The following LRRIQ1 variants were observed in gnomAD, a reference collection of about 807,000 sequenced individuals.
LRRIQ1 encodes the protein leucine rich repeats and IQ motif containing 1.
LRRIQ1 carries 210 observed loss-of-function variants against 211.9 expected under a neutral mutation model. The observed-to-expected ratio is 0.99, with a 90% CI of 0.89 to 1.11. The LOEUF (loss-of-function observed/expected upper bound fraction) is 1.11. LRRIQ1 is among the 50% of genes most tolerant of loss of function. The pLI is 0.00. For missense variants in LRRIQ1, 2,136 were observed against 1,939.5 expected (o/e 1.10, Z -1.90); for synonymous variants, 699 against 650.1 (o/e 1.08, Z -1.14).
At chr12:85,205,142 T>C (rs1893480012) in intron 24 of LRRIQ1, among the ~76,000 whole-genome samples, 1 of 152,142 alleles carries the variant, frequency 6.6e-6, no homozygotes, top group South Asian at 2.1e-4. Flanking sequence ...CTTTGCCCGC[T>C]GCCATCCATG....
chr12:85,096,740 G>T (rs1348821264), intron 11 of LRRIQ1, among the ~76,000 whole-genome samples: 2 of 152,120 alleles, frequency 1.3e-5, no homozygotes, highest in African/African-American at 4.8e-5. Flanking sequence ...GTGATGATCT[G>T]TCTAATGCTA....
chr12:85,102,944 CAA>C (rs761217598), intron 13 of LRRIQ1, among the ~76,000 whole-genome samples: 7,483 of 87,498 alleles, frequency 0.086, 325 homozygotes, highest in East Asian at 0.22. Flanking sequence ...CTAATTGTGG[CAA>C]AAAAAAAAAA....
intron 24 of LRRIQ1, among the ~76,000 whole-genome samples, chr12:85,194,862 CA>C (rs1892808708): frequency 6.6e-6 from 1 of 151,862 alleles, no homozygotes; most frequent in Admixed American, 6.6e-5. Context: ...AAAAACCCTT[CA>C]AAAAATTAAT....
rs1036065452 is a variant in LRRIQ1, at chr12:85,127,845, G to T, written c.4021G>T (p.Val1341Leu). 1.5e-5 allele frequency: 25 copies of T among 1,613,780 alleles called. No individual in the cohort carries two copies. The highest frequency in any genetic ancestry group is 2.0e-5 in the Non-Finnish European group (24 of 1,179,904). The change falls in exon 18 of 27, where the codon GTA becomes TTA. Residue 1341 changes from valine to leucine, a missense_variant. Transcript: ENST00000393217. ...EPSEKIMAAVVIQSYWRGYLM... is the reference protein window; with the variant it reads ...EPSEKIMAAVLIQSYWRGYLM... The stretch of plus-strand genomic sequence containing the variant: ...TCCTCTTAATAGTATGGCAGCTGTG[G>T]TAATCCAGTCATACTGGCGTGGTTA...
In LRRIQ1 at chr12:85,149,163, C is replaced by T. The variant is rs374536755; in HGVS notation, c.4330-3117C>T. Among the ~76,000 whole-genome samples the T allele has an allele frequency of 2.7e-4, 41 of 152,004 alleles. No homozygotes were observed. In the South Asian group the frequency reaches 7.9e-3, roughly 29 times the overall value. On this transcript the variant is annotated intron_variant, in intron 19 of 26. Coordinates refer to ENST00000393217, the MANE Select transcript of LRRIQ1 (RefSeq NM_001079910.2). Reference sequence around the variant, plus strand: ...GAAGCTCTTTAATTTAATTAGATCCCGTTTGTGAATTTTGGCTTTTATTGC... The same window carrying T: ...GAAGCTCTTTAATTTAATTAGATCCTGTTTGTGAATTTTGGCTTTTATTGC...
intron 24 of LRRIQ1, among the ~76,000 whole-genome samples, chr12:85,205,285 T>G (rs534993235): frequency 6.6e-6 from 1 of 152,328 alleles, no homozygotes; most frequent in African/African-American, 2.4e-5. Context: ...ATCAGCAGCA[T>G]GAAAATAGAC....
chr12:85,210,432 A>T (rs997031543), intron 24 of LRRIQ1, among the ~76,000 whole-genome samples: 3 of 152,188 alleles, frequency 2.0e-5, no homozygotes, highest in African/African-American at 7.2e-5. Context: ...AGATAGTAGA[A>T]TTTGTTGGAC....
At chr12:85,193,707 G>A (rs886517328) in intron 24 of LRRIQ1, among the ~76,000 whole-genome samples, 2,843 of 151,716 alleles carry the variant, frequency 0.019, 87 homozygotes, top group African/African-American at 0.065. Context: ...AGTACCAGCC[G>A]CTGCAAAATC....
intron 24 of LRRIQ1, among the ~76,000 whole-genome samples, chr12:85,198,633 TCTC>T (rs1242424654): frequency 6.6e-6 from 1 of 151,916 alleles, no homozygotes; most frequent in Non-Finnish European, 1.5e-5. Flanking sequence ...AGTGGTGCTA[TCTC>T]AGCTCACTGC....
intron 11 of LRRIQ1, among the ~76,000 whole-genome samples, chr12:85,097,649 A>G (rs180992547): frequency 6.6e-6 from 1 of 152,272 alleles, no homozygotes; most frequent in African/African-American, 2.4e-5. Context: ...AAAAAAATGC[A>G]TAGTCTAGTA....
At chr12:85,076,572 T>C in intron 11 of LRRIQ1, 2 of 760,096 alleles carry the variant, frequency 2.6e-6, no homozygotes, top group Non-Finnish European at 3.2e-6. Flanking sequence ...TACTGCTTTC[T>C]GGAAAATTGC....
intron 11 of LRRIQ1, among the ~76,000 whole-genome samples, 180 bp from the exon 12 acceptor site, chr12:85,098,175 G>A (rs1886056339): frequency 6.6e-6 from 1 of 152,058 alleles, no homozygotes; most frequent in South Asian, 2.1e-4. Flanking sequence ...CCAGATGCCA[G>A]TTTAAATAAT....
intron 24 of LRRIQ1, among the ~76,000 whole-genome samples, chr12:85,199,455 C>G (rs913096733): frequency 1.3e-5 from 2 of 151,964 alleles, no homozygotes; most frequent in African/African-American, 4.8e-5. Flanking sequence ...CTATTTGGCC[C>G]CATTGGTCTG....
At position 85,137,725 on chromosome 12, in the gene LRRIQ1, A is replaced by C. The variant is rs530697779; in HGVS notation, c.4210-125A>C. 23 of 765,368 alleles carry C rather than the reference A, an allele frequency of 3.0e-5. No individual in the cohort carries two copies. In the East Asian group the frequency reaches 6.8e-4, roughly 23 times the overall value. 47.4% of individuals were successfully genotyped at this position (765,368 alleles called of 1,614,324 possible). ...TTTTAAGTGTCACATAAAGTTCAGA[A>C]AACAGATTATTGTGTCATTAAACTT... On this transcript the variant is annotated intron_variant, in intron 18 of 26. Coordinates refer to ENST00000393217, the MANE Select transcript of LRRIQ1 (RefSeq NM_001079910.2).
At chr12:85,099,402 A>G (rs535046855) in intron 13 of LRRIQ1, among the ~76,000 whole-genome samples, 1 of 151,936 alleles carries the variant, frequency 6.6e-6, no homozygotes, top group African/African-American at 2.4e-5. Context: ...CTCTGCTCTC[A>G]ACTTGCTTGT....
At chr12:85,229,494 C>G (rs1385308948) in intron 24 of LRRIQ1, 23 bp from the exon 25 acceptor site, 1 of 1,582,740 alleles carries the variant, frequency 6.3e-7, no homozygotes, top group East Asian at 2.3e-5. Context: ...ATAATAAGTA[C>G]ACGTTCCATA....
intron 11 of LRRIQ1, among the ~76,000 whole-genome samples, chr12:85,078,709 C>G (rs1285729839): frequency 6.6e-6 from 1 of 152,064 alleles, no homozygotes; most frequent in Non-Finnish European, 1.5e-5. Context: ...TCTTCTGTGT[C>G]TTATATAATT....
chr12:85,091,527 G>A (rs530726410), intron 11 of LRRIQ1, among the ~76,000 whole-genome samples: 2 of 152,078 alleles, frequency 1.3e-5, no homozygotes, highest in South Asian at 4.2e-4. Flanking sequence ...AATTTTTGTT[G>A]TTGTTGTTGT....
chr12:85,255,393 A>G (rs950258380), intron 1 of LRRIQ1, among the ~76,000 whole-genome samples: 1 of 151,800 alleles, frequency 6.6e-6, no homozygotes, highest in East Asian at 1.9e-4. Flanking sequence ...TGACTTTCAT[A>G]TTTCCTATTA....
Sources: allele counts gnomAD v4.1 joint callset (sites outside exome capture counted in the v4.1 genomes callset), GRCh38; gene constraint gnomAD v4.1.1; transcripts MANE v1.5; gene names NCBI Gene and HGNC (gene_info 2026-07-23, HGNC 2026-07-21).